Variants in HEATR4 observed in about 807,000 individuals in gnomAD.
HEATR4 encodes the protein HEAT repeat containing 4.
In HEATR4, 95 loss-of-function variants were observed where a neutral mutation model predicts 108.8. That is an observed-to-expected ratio of 0.87 (90% CI 0.74 to 1.04). The LOEUF is 1.04. Among genes scored for constraint, HEATR4 ranks in the 50% least tolerant of loss-of-function variants. The pLI, the probability that HEATR4 is intolerant of heterozygous loss-of-function variation, is 0.00. For missense variants in HEATR4, 1,152 were observed against 1,253.8 expected (o/e 0.92, Z 1.23); for synonymous variants, 443 against 459.4 (o/e 0.96, Z 0.46).
chr14:73,615,399 A>C, the HEATR4 span, among the ~76,000 whole-genome samples: 2 of 143,818 alleles, frequency 1.4e-5, no homozygotes, highest in African/African-American at 5.2e-5. Flanking sequence ...AAAAAAAAAA[A>C]AAAAAAAACA....
rs1461405698 is a variant in HEATR4, at chr14:73,556,596, T to C, written c.-152+2155A>G. 2.0e-4 allele frequency among the ~76,000 whole-genome samples: 23 copies of C among 114,112 alleles called. 6 individuals are homozygous for C. The highest frequency in any genetic ancestry group is 1.1e-3 in the South Asian group (4 of 3,546). 74.9% of individuals were successfully genotyped at this position (114,112 alleles called of 152,430 possible). On this transcript the variant is annotated intron_variant, in intron 1 of 17. Coordinates refer to ENST00000553558, the MANE Select transcript of HEATR4 (RefSeq NM_001220484.1). ...GCTTGTTCTGGCTTGTCTTTGTCTG[T>C]CTTGGAGTCACGGGACAGGTGTAAG... is the stretch of plus-strand genomic sequence containing the variant.
intron 17 of HEATR4, among the ~76,000 whole-genome samples, chr14:73,483,849 T>C (rs898055593): frequency 6.6e-6 from 1 of 152,132 alleles, no homozygotes; most frequent in Non-Finnish European, 1.5e-5. Flanking sequence ...GAAAACATTT[T>C]AGATGTCAAT....
At chr14:73,623,837 C>T in the HEATR4 span, among the ~76,000 whole-genome samples, 1 of 152,070 alleles carries the variant, frequency 6.6e-6, no homozygotes, top group Non-Finnish European at 1.5e-5. Context: ...GAGCCTGGCA[C>T]TTCCTTCCCC....
chr14:73,485,660 G>T (rs1373756768), intron 17 of HEATR4, among the ~76,000 whole-genome samples: 1 of 152,078 alleles, frequency 6.6e-6, no homozygotes, highest in Non-Finnish European at 1.5e-5. Flanking sequence ...ATCACTTAGG[G>T]CAAGGAGTTC....
At chr14:73,496,466 G>A (rs1886113916) in intron 15 of HEATR4, 135 bp downstream of exon 15, 1 of 604,220 alleles carries the variant, frequency 1.7e-6, no homozygotes, top group East Asian at 2.8e-5. Context: ...AAATGATGTG[G>A]CATCTGTGTC....
intron 17 of HEATR4, among the ~76,000 whole-genome samples, chr14:73,485,110 G>C (rs1885401145): frequency 6.6e-6 from 1 of 152,018 alleles, no homozygotes; most frequent in Non-Finnish European, 1.5e-5. Flanking sequence ...GATGCAGTGA[G>C]CCGAGATTGC....
the HEATR4 span, among the ~76,000 whole-genome samples, chr14:73,579,957 A>T: frequency 6.6e-6 from 1 of 151,808 alleles, no homozygotes; most frequent in African/African-American, 2.4e-5. Flanking sequence ...TGCCAGGCCC[A>T]CATGGTGGTG....
At chr14:73,565,172 C>T in the HEATR4 span, among the ~76,000 whole-genome samples, 1 of 152,048 alleles carries the variant, frequency 6.6e-6, no homozygotes, top group Non-Finnish European at 1.5e-5. Flanking sequence ...AAAGAAATTC[C>T]TAGACGTGGA....
the HEATR4 span, among the ~76,000 whole-genome samples, chr14:73,615,687 C>A: frequency 6.6e-6 from 1 of 152,000 alleles, no homozygotes; most frequent in Non-Finnish European, 1.5e-5. Flanking sequence ...GAGCCGAGAT[C>A]GCACCATTGC....
chr14:73,595,050 T>G, the HEATR4 span: 1 of 1,613,002 alleles, frequency 6.2e-7, no homozygotes, highest in Non-Finnish European at 8.5e-7. Context: ...TTCTTCCAGG[T>G]AAAAGGCCCA....
rs58047390 is a variant in HEATR4, at chr14:73,524,310, AATATATATATAT to A, written c.-72-1098_-72-1087del. Among the ~76,000 whole-genome samples, 67 of 54,760 alleles carry A rather than the reference AATATATATATAT, an allele frequency of 1.2e-3. 1 individual carries two copies. Among genetic ancestry groups the A allele is most frequent in the Middle Eastern group, 0.026 (2 of 76 alleles). 35.9% of individuals were successfully genotyped at this position (54,760 alleles called of 152,430 possible). A position where few individuals can be genotyped will look rare whatever the true frequency, so the allele number is the denominator to read the frequency against. ...CTCCGTCTCAAAAAAAAAAAAAAAAAATATATATATATATATATATATATATTATAGCTGTAA... is the reference window on the plus strand; with the variant it reads ...CTCCGTCTCAAAAAAAAAAAAAAAAAATATATATATATATTATAGCTGTAA... On this transcript the variant is annotated intron_variant, in intron 2 of 17. Transcript: ENST00000553558.
chr14:73,594,335 C>T, the HEATR4 span, among the ~76,000 whole-genome samples: 1 of 152,150 alleles, frequency 6.6e-6, no homozygotes, highest in African/African-American at 2.4e-5. Flanking sequence ...ATGAATGATT[C>T]ACATCTTGAA....
the HEATR4 span, among the ~76,000 whole-genome samples, chr14:73,597,844 G>A: frequency 7.3e-5 from 11 of 150,810 alleles, no homozygotes; most frequent in East Asian, 2.0e-4. Context: ...CATCTGCCTC[G>A]GCTTCCCAAA....
the HEATR4 span, chr14:73,592,351 C>T: frequency 6.3e-7 from 1 of 1,593,482 alleles, no homozygotes. Flanking sequence ...CACTTCCTCC[C>T]GCCAGGGGTG....
At chr14:73,605,246 A>C in the HEATR4 span, among the ~76,000 whole-genome samples, 1 of 152,062 alleles carries the variant, frequency 6.6e-6, no homozygotes, top group Non-Finnish European at 1.5e-5. Flanking sequence ...GTCCTTTTAA[A>C]TGTCTTATTA....
At chr14:73,517,703 G>A (rs1887696226) in intron 5 of HEATR4, among the ~76,000 whole-genome samples, 1 of 150,124 alleles carries the variant, frequency 6.7e-6, no homozygotes. Context: ...GAGAGAGAGG[G>A]AAGGGGAGGG....
At chr14:73,633,007 CTT>C in the HEATR4 span, among the ~76,000 whole-genome samples, 11 of 122,062 alleles carry the variant, frequency 9.0e-5, no homozygotes, top group African/African-American at 2.2e-4. Context: ...CTCTCTCTCT[CTT>C]TTTTTTTTTT....
the HEATR4 span, chr14:73,619,708 G>A: frequency 6.2e-7 from 1 of 1,614,106 alleles, no homozygotes; most frequent in Non-Finnish European, 8.5e-7. Context: ...CGCTGTTTTG[G>A]GTGAGGCAAT....
Position 73,514,206 on chromosome 14 carries a change from G to T in HEATR4, c.1239C>A (p.Arg413=), listed in dbSNP as rs562964470. ...TGGCGGGGGTGGGCAAAGCAGTCCA[G>T]CGCAGGGCTCCTTGCACAGGTCTGT... is the stretch of plus-strand genomic sequence containing the variant. ...ASYRPVQGAL[R]WTALPTPAKD... is the part of the protein sequence containing the mutation. The change falls in exon 6 of 18, where the codon CGC becomes CGA. Residue 413 remains arginine, a synonymous_variant. Coordinates refer to ENST00000553558, the MANE Select transcript of HEATR4 (RefSeq NM_001220484.1). The T allele has an allele frequency of 1.2e-6, 2 of 1,614,050 alleles. No individual in the cohort carries two copies. The highest frequency in any genetic ancestry group is 1.7e-6 in the Non-Finnish European group (2 of 1,180,040).
Sources: allele counts gnomAD v4.1 joint callset (sites outside exome capture counted in the v4.1 genomes callset), GRCh38; gene constraint gnomAD v4.1.1; transcripts MANE v1.5; gene names NCBI Gene and HGNC (gene_info 2026-07-23, HGNC 2026-07-21).